The following ACSL5 variants were observed in gnomAD, a reference collection of about 807,000 sequenced individuals.
The protein encoded by ACSL5 is long-chain-fatty-acid--CoA ligase 5.
In ACSL5, 50 loss-of-function variants were observed where a neutral mutation model predicts 84.9. The ratio of observed to expected loss-of-function variants is 0.59; its 90% CI spans 0.47 to 0.75. The LOEUF (loss-of-function observed/expected upper bound fraction) is 0.75. ACSL5 is among the 30% of genes least tolerant of loss of function. ACSL5 has a pLI of 0.00. For synonymous variants in ACSL5, 280 were observed against 300.7 expected (o/e 0.93, Z 0.71); for missense variants, 775 against 830.4 (o/e 0.93, Z 0.82).
intron 2 of ACSL5, among the ~76,000 whole-genome samples, chr10:112,397,688 T>C (rs1843778434): frequency 6.6e-6 from 1 of 152,254 alleles, no homozygotes; most frequent in South Asian, 2.1e-4. Flanking sequence ...TTCTGCTTAA[T>C]ACAGAACTGG....
Position 112,378,796 on chromosome 10 carries a change from G to A in ACSL5, c.-30+4527G>A, listed in dbSNP as rs574742332. Among the ~76,000 whole-genome samples, 9 of 152,288 alleles carry A rather than the reference G, an allele frequency of 5.9e-5. No individual in the cohort carries two copies. In the East Asian group the frequency reaches 7.7e-4, roughly 13 times the overall value. ...CTCTATGTCTGTACATCCTGAGGTCGGAAAGGGACTCTCTCACCAACTTGT... is the reference window on the plus strand; with the variant it reads ...CTCTATGTCTGTACATCCTGAGGTCAGAAAGGGACTCTCTCACCAACTTGT... On this transcript the variant is annotated intron_variant, in intron 1 of 20. Coordinates refer to ENST00000354655, the MANE Select transcript of ACSL5 (RefSeq NM_203379.2).
At chr10:112,407,779 C>T (rs1021001281) in intron 5 of ACSL5, among the ~76,000 whole-genome samples, 4 of 152,126 alleles carry the variant, frequency 2.6e-5, no homozygotes, top group Admixed American at 1.3e-4. Context: ...GCCCAGTTTT[C>T]ATCAGTTTCC....
intron 5 of ACSL5, chr10:112,406,594 C>T (rs1844043096): frequency 1.3e-5 from 2 of 152,240 alleles, no homozygotes; most frequent in African/African-American, 4.8e-5. Flanking sequence ...AGTCTTCAAG[C>T]TTGCTAATGT....
intron 13 of ACSL5, among the ~76,000 whole-genome samples, chr10:112,417,360 G>A (rs188469486): frequency 2.2e-4 from 33 of 151,952 alleles, no homozygotes; most frequent in South Asian, 2.1e-4. Flanking sequence ...AAAATTAGCC[G>A]GGCGTGGTGG....
At chr10:112,400,406 C>CTTTTTT (rs573644087) in intron 3 of ACSL5, among the ~76,000 whole-genome samples, 1,892 of 98,644 alleles carry the variant, frequency 0.019, 5 homozygotes, top group East Asian at 0.029. Context: ...TTTTTCTTTT[C>CTTTTTT]TTTTTTTTTT....
chr10:112,388,641 T>C (rs1345620911), intron 1 of ACSL5, among the ~76,000 whole-genome samples: 1 of 152,144 alleles, frequency 6.6e-6, no homozygotes, highest in Non-Finnish European at 1.5e-5. Context: ...GTAAACAAAA[T>C]TAAAATCTCT....
chr10:112,398,924 C>T lies in ACSL5; in HGVS notation c.180C>T (p.Ser60=), dbSNP rs766047728. 5 of 1,613,828 alleles carry T rather than the reference C, an allele frequency of 3.1e-6. No individual in the cohort carries two copies. The highest frequency in any genetic ancestry group is 1.3e-5 in the African/African-American group (1 of 74,850). Residue 60 remains serine, a synonymous_variant, in exon 3 of 21, where the codon TCC becomes TCT. Transcript: ENST00000354655. ...AGGGAGGAGCACGGAAGGGGGTTTC[C>T]CAGAAGAACAATGACCTAACAAGTT... ...GIEGGARKGV[S]QKNNDLTSCC...
chr10:112,412,260 A>T (rs1404891140), intron 11 of ACSL5: 1 of 374,546 alleles, frequency 2.7e-6, no homozygotes, highest in East Asian at 4.4e-5. Flanking sequence ...CTTACTATCT[A>T]TCTGCCCTTA....
At chr10:112,384,428 A>C (rs994859402) in intron 1 of ACSL5, among the ~76,000 whole-genome samples, 8 of 152,224 alleles carry the variant, frequency 5.3e-5, no homozygotes, top group Non-Finnish European at 1.0e-4. Context: ...TGAATGATGG[A>C]GTAGACAAGA....
chr10:112,381,665 CAAAA>C (rs35097669), intron 1 of ACSL5, among the ~76,000 whole-genome samples: 3 of 104,812 alleles, frequency 2.9e-5, no homozygotes, highest in Admixed American at 1.0e-4. Flanking sequence ...GAGACTGTCT[CAAAA>C]AAAAAAAAAA....
chr10:112,417,146 T>C (rs1160222452), intron 13 of ACSL5, 124 bp downstream of exon 13: 1 of 1,042,806 alleles, frequency 9.6e-7, no homozygotes, highest in Non-Finnish European at 1.3e-6. Context: ...AGACTTTGTG[T>C]CCACTGCCTT....
At chr10:112,395,170 G>A in intron 2 of ACSL5, 68 bp downstream of exon 2, 1 of 1,487,118 alleles carries the variant, frequency 6.7e-7, no homozygotes. Flanking sequence ...CCAAACCTAG[G>A]GATAGCTCAT....
rs12254915 is a variant in ACSL5, at chr10:112,422,015, A to G, written c.1456A>G (p.Thr486Ala). Reference sequence around the variant, plus strand: ...AGATGTGGCTGACATGAACTACTTTACAGTGAATAATGAAGGAGAGGTGGG... The same window carrying G: ...AGATGTGGCTGACATGAACTACTTTGCAGTGAATAATGAAGGAGAGGTGGG... Reference protein sequence around the residue: ...LEDVADMNYFTVNNEGEVCIK... With the variant: ...LEDVADMNYFAVNNEGEVCIK... The change falls in exon 16 of 21, where the codon ACA becomes GCA. Residue 486 changes from threonine to alanine, a missense_variant. Physicochemically the swap from Thr to Ala is moderately conservative, Grantham distance 58. Coordinates refer to ENST00000354655, the MANE Select transcript of ACSL5 (RefSeq NM_203379.2). The G allele has an allele frequency of 2.5e-3, 4,050 of 1,614,212 alleles. 75 individuals carry two copies. In the African/African-American group the frequency reaches 0.045, roughly 18 times the overall value.
At chr10:112,406,088 C>T (rs984823634) in intron 5 of ACSL5, 1 of 151,958 alleles carries the variant, frequency 6.6e-6, no homozygotes, top group African/African-American at 2.4e-5. Flanking sequence ...ACAAGCAGAC[C>T]CTTACAGTTC....
At chr10:112,397,119 C>A (rs540306759) in intron 2 of ACSL5, among the ~76,000 whole-genome samples, 121 of 152,088 alleles carry the variant, frequency 8.0e-4, no homozygotes, top group Non-Finnish European at 1.3e-3. Context: ...GGGCCCTGAT[C>A]CTGTAGATCC....
chr10:112,414,311 G>T (rs1844262631), intron 12 of ACSL5, among the ~76,000 whole-genome samples: 1 of 150,042 alleles, frequency 6.7e-6, no homozygotes, highest in African/African-American at 2.4e-5. Flanking sequence ...TGTATTTTTA[G>T]GAATTCATAA....
Position 112,427,965 on chromosome 10 carries a change from C to T in ACSL5, c.*607C>T, listed in dbSNP as rs2133705803. ...AAGGGAAAAGTTTGATCATACCAAA[C>T]ATTTCCTAAACTCTCTAGTTAGATA... On this transcript the variant is annotated 3_prime_UTR_variant, in exon 21 of 21. Transcript: ENST00000354655. The T allele has an allele frequency of 6.5e-6, 1 of 154,224 alleles. No individual in the cohort carries two copies. Among genetic ancestry groups the T allele is most frequent in the South Asian group, 2.1e-4 (1 of 4,848 alleles). The allele number at this position is 154,224 out of a possible 1,614,324, so 9.6% of individuals were successfully genotyped here.
rs763477209 is a variant in ACSL5, at chr10:112,422,051, C to T, written c.1476+16C>T. On this transcript the variant is annotated intron_variant, in intron 16 of 20. Coordinates refer to ENST00000354655, the MANE Select transcript of ACSL5 (RefSeq NM_203379.2). ...TGAAGGAGAGGTGGGTAGGTCATGC[C>T]CTGTGGTCAGACAGTCATGGTGGGG... 1.2e-6 allele frequency: 2 copies of T among 1,612,796 alleles called. No individual in the cohort carries two copies. Among genetic ancestry groups the T allele is most frequent in the East Asian group, 2.2e-5 (1 of 44,870 alleles).
intron 17 of ACSL5, 43 bp downstream of exon 17, chr10:112,422,484 C>T: frequency 6.4e-7 from 1 of 1,550,682 alleles, no homozygotes; most frequent in Non-Finnish European, 8.9e-7. Flanking sequence ...TGCTAATGGA[C>T]TGAGAAGAAC....
Sources: allele counts gnomAD v4.1 joint callset (sites outside exome capture counted in the v4.1 genomes callset), GRCh38; gene constraint gnomAD v4.1.1; transcripts MANE v1.5; gene names NCBI Gene and HGNC (gene_info 2026-07-23, HGNC 2026-07-21).